ZC2HC1B: variants seen among roughly 807,000 people sequenced by gnomAD.
The protein encoded by ZC2HC1B is zinc finger C2HC domain-containing protein 1B.
In ZC2HC1B, 36 loss-of-function variants were observed where a neutral mutation model predicts 31.0. The ratio of observed to expected loss-of-function variants is 1.16; its 90% CI spans 0.89 to 1.54. The LOEUF is 1.54. ZC2HC1B is among the 40% of genes most tolerant of loss of function. The pLI is 0.00. For synonymous variants in ZC2HC1B, 73 were observed against 88.0 expected, an observed-to-expected ratio of 0.83 and a Z score of 0.95; for missense variants, 260 against 268.6, an observed-to-expected ratio of 0.97 and a Z score of 0.22.
At position 143,868,752 on chromosome 6, in the gene ZC2HC1B, T is replaced by C. The variant is rs956514169; in HGVS notation, c.28+4185T>C. On this transcript the variant is annotated intron_variant, in intron 1 of 7. Transcript: ENST00000237275. This position sits in a 1 kb window ranked among gnomAD's most constrained non-coding sequence, Gnocchi z 4.2. ...TCAAATAAAGACAATAATAAGGTCA[T>C]AATTATGCCTAACGTAATACAACTA... is the stretch of plus-strand genomic sequence containing the variant. 6.6e-6 allele frequency among the ~76,000 whole-genome samples: 1 copy of C among 152,204 alleles called. No homozygotes were observed. The highest frequency in any genetic ancestry group is 1.5e-5 in the Non-Finnish European group (1 of 68,042).
chr6:143,883,886 C>T lies in ZC2HC1B; in HGVS notation c.29-418C>T, dbSNP rs1289281007. Among the ~76,000 whole-genome samples the T allele has an allele frequency of 6.6e-6, 1 of 152,182 alleles. No individual in the cohort carries two copies. Among genetic ancestry groups the T allele is most frequent in the African/African-American group, 2.4e-5 (1 of 41,444 alleles). ...CTATGGGTCAAGTACTTGCATTGGG[C>T]ATAAAATAGGCACAGTCTCAGCTTT... On this transcript the variant is annotated intron_variant, in intron 1 of 7. Transcript: ENST00000237275. The surrounding 1 kb of genome is among the most constrained non-coding windows in gnomAD (Gnocchi z 4.1).
At chr6:143,935,644 C>CTTTT (rs1255795364) in intron 6 of ZC2HC1B, among the ~76,000 whole-genome samples, 4 of 81,660 alleles carry the variant, frequency 4.9e-5, no homozygotes, top group African/African-American at 1.0e-4. Context: ...CTTGGTATCA[C>CTTTT]TCTTTTTTTT....
Position 143,884,611 on chromosome 6 carries a change from G to A in ZC2HC1B, c.90+246G>A, listed in dbSNP as rs1264433682. ...TGCCAGATGGAAGTCTCTTGGCATCGTCAATGATCCCTCAAGAGGTTTTGG... is the reference window on the plus strand; with the variant it reads ...TGCCAGATGGAAGTCTCTTGGCATCATCAATGATCCCTCAAGAGGTTTTGG... On this transcript the variant is annotated intron_variant, in intron 2 of 7. Transcript: ENST00000237275. The surrounding 1 kb of genome is among the most constrained non-coding windows in gnomAD (Gnocchi z 5.1). 1.3e-5 allele frequency among the ~76,000 whole-genome samples: 2 copies of A among 152,120 alleles called. No individual in the cohort carries two copies. Among genetic ancestry groups the A allele is most frequent in the East Asian group, 1.9e-4 (1 of 5,188 alleles).
Position 143,895,159 on chromosome 6 carries a change from T to TG in ZC2HC1B, c.350-3393_350-3392insG, listed in dbSNP as rs1777649896. On this transcript the variant is annotated intron_variant, in intron 4 of 7. Coordinates refer to ENST00000237275, the MANE Select transcript of ZC2HC1B (RefSeq NM_001013623.3). This position sits in a 1 kb window ranked among gnomAD's most constrained non-coding sequence, Gnocchi z 4.8. ...TAAGTTCTAGAGAATTTATTTGTTTTTTGTTGTTGTTGTTGTTTTTGAGAC... is the reference window on the plus strand; with the variant it reads ...TAAGTTCTAGAGAATTTATTTGTTTTGTTGTTGTTGTTGTTGTTTTTGAGAC... Among the ~76,000 whole-genome samples the TG allele has an allele frequency of 6.6e-6, 1 of 152,078 alleles. No homozygotes were observed. The highest frequency in any genetic ancestry group is 2.4e-5 in the African/African-American group (1 of 41,400).
rs550106236 is a variant in ZC2HC1B, at chr6:143,922,610, A to G, written c.599-15039A>G. Among the ~76,000 whole-genome samples the G allele has an allele frequency of 6.6e-5, 10 of 152,332 alleles. No individual in the cohort carries two copies. The South Asian group carries it at 1.9e-3, about 28-fold the overall frequency. On this transcript the variant is annotated intron_variant, in intron 6 of 7. Transcript: ENST00000237275. This position sits in a 1 kb window ranked among gnomAD's most constrained non-coding sequence, Gnocchi z 5.0. ...TTCTGTGTCTGGCTTAATTCATTTA[A>G]CAATAATGACCTCTAGTTCCATACA...
chr6:143,891,130 C>G (rs1219115177), intron 4 of ZC2HC1B, among the ~76,000 whole-genome samples: 1 of 77,820 alleles, frequency 1.3e-5, no homozygotes, highest in African/African-American at 3.9e-5. Context: ...GACTCCATCT[C>G]AAAAAAAAAA....
In ZC2HC1B at chr6:143,868,494, G is replaced by A. The variant is rs756992284; in HGVS notation, c.28+3927G>A. 1.3e-4 allele frequency among the ~76,000 whole-genome samples: 19 copies of A among 151,724 alleles called. No homozygotes were observed. The highest frequency in any genetic ancestry group is 9.2e-4 in the Admixed American group (14 of 15,232). ...TTTTTTTTCTGCCTGCTTTAGATTCGATCTGCGCTGGCAGGTGACTAGGTG... is the reference window on the plus strand; with the variant it reads ...TTTTTTTTCTGCCTGCTTTAGATTCAATCTGCGCTGGCAGGTGACTAGGTG... On this transcript the variant is annotated intron_variant, in intron 1 of 7. Coordinates refer to ENST00000237275, the MANE Select transcript of ZC2HC1B (RefSeq NM_001013623.3). The surrounding 1 kb of genome is among the most constrained non-coding windows in gnomAD (Gnocchi z 4.2).
intron 1 of ZC2HC1B, among the ~76,000 whole-genome samples, chr6:143,877,515 T>G (rs1198086717): frequency 1.3e-5 from 2 of 149,940 alleles, no homozygotes; most frequent in African/African-American, 4.9e-5. Flanking sequence ...ACTACCAACC[T>G]CGGGTGATCC....
In ZC2HC1B at chr6:143,937,529, C is replaced by T. The variant is rs1328872210; in HGVS notation, c.599-120C>T. 2.1e-5 allele frequency: 13 copies of T among 620,954 alleles called. No homozygotes were observed. The Admixed American group carries it at 2.3e-4, about 11-fold the overall frequency. The allele number at this position is 620,954 out of a possible 1,614,324, so 38.5% of individuals were successfully genotyped here. A position where few individuals can be genotyped will look rare whatever the true frequency, so the allele number is the denominator to read the frequency against. ...CCTCCCCACCACACTCCCCCACCTC[C>T]CACCAAAAAAAAGGAAGAATAGAAA... is the stretch of plus-strand genomic sequence containing the variant. On this transcript the variant is annotated intron_variant, in intron 6 of 7. Coordinates refer to ENST00000237275, the MANE Select transcript of ZC2HC1B (RefSeq NM_001013623.3).
intron 4 of ZC2HC1B, among the ~76,000 whole-genome samples, chr6:143,898,088 CCCTGCAT>C (rs1777689875): frequency 6.6e-6 from 1 of 152,194 alleles, no homozygotes; most frequent in African/African-American, 2.4e-5. Context: ...TTTAGTTGAG[CCCTGCAT>C]GTCTTGCCCT....
rs1777537663 is a variant in ZC2HC1B, at chr6:143,886,953, A to T, written c.349+132A>T. ...TTTTATTAATTATATAAAAGTAAAC[A>T]TCCTATTTTTTTCAATTCTGCATAA... is the stretch of plus-strand genomic sequence containing the variant. On this transcript the variant is annotated intron_variant, in intron 4 of 7. Transcript: ENST00000237275. This position sits in a 1 kb window ranked among gnomAD's most constrained non-coding sequence, Gnocchi z 4.2. The T allele has an allele frequency of 9.0e-6, 9 of 999,936 alleles. No homozygotes were observed. The highest frequency in any genetic ancestry group is 2.8e-4 in the Middle Eastern group (1 of 3,594). 61.9% of individuals were successfully genotyped at this position (999,936 alleles called of 1,614,324 possible). A position where few individuals can be genotyped will look rare whatever the true frequency, so the allele number is the denominator to read the frequency against.
chr6:143,889,477 A>C (rs1777571320), intron 4 of ZC2HC1B, among the ~76,000 whole-genome samples: 1 of 152,112 alleles, frequency 6.6e-6, no homozygotes, highest in Non-Finnish European at 1.5e-5. Context: ...TAAAGACACA[A>C]ATAAGAGCAC....
chr6:143,914,131 G>A (rs958896249), intron 6 of ZC2HC1B, among the ~76,000 whole-genome samples: 13 of 151,428 alleles, frequency 8.6e-5, no homozygotes, highest in African/African-American at 2.7e-4. Flanking sequence ...ACTAGCTTTT[G>A]ATTTCATTTG....
rs1777319343 is a variant in ZC2HC1B at position 143,870,192 on chromosome 6, A to G, written c.28+5625A>G. 6.6e-6 allele frequency among the ~76,000 whole-genome samples: 1 copy of G among 152,188 alleles called. No individual in the cohort carries two copies. The highest frequency in any genetic ancestry group is 1.5e-5 in the Non-Finnish European group (1 of 68,028). On this transcript the variant is annotated intron_variant, in intron 1 of 7. Transcript: ENST00000237275. This position sits in a 1 kb window ranked among gnomAD's most constrained non-coding sequence, Gnocchi z 4.7. ...CCATTTCTCCTTTCATGCAAAGTGC[A>G]CAAGCAAGTGCACTGTTCAAAGTTC...
At position 143,903,674 on chromosome 6, in the gene ZC2HC1B, C is replaced by T. The variant is rs187325511; in HGVS notation, c.598+522C>T. Among the ~76,000 whole-genome samples the T allele has an allele frequency of 1.4e-4, 22 of 152,264 alleles. No individual in the cohort carries two copies. In the East Asian group the frequency reaches 4.2e-3, roughly 29 times the overall value. On this transcript the variant is annotated intron_variant, in intron 6 of 7. Coordinates refer to ENST00000237275, the MANE Select transcript of ZC2HC1B (RefSeq NM_001013623.3). This position sits in a 1 kb window ranked among gnomAD's most constrained non-coding sequence, Gnocchi z 4.3. ...CTGTACAGTCATCCCTCGGTATCCA[C>T]AGGGGATTGGTCCCAGGGCCCTAGT...
At chr6:143,900,651 A>G (rs961889278) in intron 5 of ZC2HC1B, among the ~76,000 whole-genome samples, 1 of 152,126 alleles carries the variant, frequency 6.6e-6, no homozygotes, top group African/African-American at 2.4e-5. Context: ...GGAGAATCTA[A>G]GAAATAATTG....
rs1777529462 is a variant in ZC2HC1B at position 143,886,246 on chromosome 6, A to G, written c.210+95A>G. 7.7e-7 allele frequency: 1 copy of G among 1,304,184 alleles called. No individual in the cohort carries two copies. The highest frequency in any genetic ancestry group is 9.9e-7 in the Non-Finnish European group (1 of 1,010,244). 80.8% of individuals were successfully genotyped at this position (1,304,184 alleles called of 1,614,324 possible). ...TCTGGTTTCATTTTTGCTTGATAAT[A>G]CAGTAATGTAATGTAACTGTAATCC... On this transcript the variant is annotated intron_variant, in intron 3 of 7. Transcript: ENST00000237275. The surrounding 1 kb of genome is among the most constrained non-coding windows in gnomAD (Gnocchi z 4.2).
intron 6 of ZC2HC1B, among the ~76,000 whole-genome samples, chr6:143,910,256 T>C (rs903853885): frequency 6.6e-6 from 1 of 152,220 alleles, no homozygotes; most frequent in African/African-American, 2.4e-5. Context: ...TTGTTCAGTT[T>C]CCATGTGATG....
intron 6 of ZC2HC1B, among the ~76,000 whole-genome samples, chr6:143,907,196 G>T (rs1777805672): frequency 6.6e-6 from 1 of 152,134 alleles, no homozygotes; most frequent in African/African-American, 2.4e-5. Flanking sequence ...GGACATTTAG[G>T]TTGATTCCAT....
Sources: gnomAD v4.1 joint callset for allele counts (sites outside exome capture counted in the v4.1 genomes callset) on GRCh38, gnomAD v4.1.1 for gene constraint, Gnocchi (gnomAD v3.1) non-coding constraint, MANE v1.5 for transcripts, NCBI Gene and HGNC (gene_info 2026-07-23, HGNC 2026-07-21) for gene names.